The following DNAH5 variants were observed in gnomAD, a reference collection of about 807,000 sequenced individuals.
The protein encoded by DNAH5 is dynein axonemal heavy chain 5.
Under a neutral mutation model 518.2 loss-of-function variants are expected in DNAH5, and 372 were observed. The ratio of observed to expected loss-of-function variants is 0.72; its 90% CI spans 0.66 to 0.78. The LOEUF is 0.78. Ranked by LOEUF, DNAH5 falls within the 30% of genes least tolerant of loss-of-function variation. The pLI, the probability that DNAH5 is intolerant of heterozygous loss-of-function variation, is 0.00. For missense variants in DNAH5, 5,523 were observed against 5,687.0 expected, an observed-to-expected ratio of 0.97 and a Z score of 0.93; for synonymous variants, 2,039 against 2,025.9, an observed-to-expected ratio of 1.01 and a Z score of -0.17.
intron 1 of DNAH5, among the ~76,000 whole-genome samples, chr5:13,984,330 G>C (rs749679288): frequency 5.4e-4 from 83 of 152,306 alleles, no homozygotes; most frequent in East Asian, 7.7e-4. Context: ...CTCTCTGTCT[G>C]TCTGTTATTG....
intron 78 of DNAH5, among the ~76,000 whole-genome samples, chr5:13,692,356 GC>G (rs933500796): frequency 6.6e-6 from 1 of 152,112 alleles, no homozygotes; most frequent in African/African-American, 2.4e-5. Context: ...GCCTCTGGTG[GC>G]CTCTGCTGGC....
chr5:13,781,652 T>C (rs1319400343), intron 52 of DNAH5, among the ~76,000 whole-genome samples: 2 of 152,100 alleles, frequency 1.3e-5, no homozygotes, highest in East Asian at 3.9e-4. Flanking sequence ...TTTTTTGTCT[T>C]GCCGCCGCCA....
intron 68 of DNAH5, among the ~76,000 whole-genome samples, chr5:13,730,297 T>C (rs1369015397): frequency 6.6e-6 from 1 of 152,208 alleles, no homozygotes; most frequent in East Asian, 1.9e-4. Flanking sequence ...TCAGAACAAC[T>C]GAATGTGTGA....
intron 35 of DNAH5, 53 bp downstream of exon 35, chr5:13,839,303 G>T: frequency 6.4e-7 from 1 of 1,565,380 alleles, no homozygotes; most frequent in Non-Finnish European, 8.8e-7. Flanking sequence ...AAAATCCCCT[G>T]AGCAACTCGA....
At chr5:13,777,477 G>A (rs772711359) in intron 53 of DNAH5, 122 bp from the exon 54 acceptor site, 36 of 746,722 alleles carry the variant, frequency 4.8e-5, no homozygotes, top group East Asian at 2.2e-4. Context: ...TATCGTATAC[G>A]TATGTATTCT....
chr5:13,882,798 T>C lies in DNAH5; in HGVS notation c.3192A>G (p.Arg1064=), dbSNP rs761251811. The part of the protein sequence containing the change: ...ELLSKKKIQE[R]KMAALQSNED... ...CATTACTCTGCAAAGCAGCCATTTTTCTTTCTTGTATCTTTTTCTACAATG... is the reference window on the plus strand; with the variant it reads ...CATTACTCTGCAAAGCAGCCATTTTCCTTTCTTGTATCTTTTTCTACAATG... The change falls in exon 21 of 79, where the codon AGA becomes AGG. Residue 1064 remains arginine, a synonymous_variant. Transcript: ENST00000265104. 2 of 1,614,166 alleles carry C rather than the reference T, an allele frequency of 1.2e-6. No individual in the cohort carries two copies. Among genetic ancestry groups the C allele is most frequent in the Admixed American group, 3.3e-5 (2 of 60,030 alleles).
At chr5:13,922,943 A>G (rs1032076894) in intron 4 of DNAH5, among the ~76,000 whole-genome samples, 8 of 152,088 alleles carry the variant, frequency 5.3e-5, no homozygotes, top group Admixed American at 3.9e-4. Context: ...AAAGTTATAT[A>G]TCCACTTTCA....
chr5:13,839,748 CT>C (rs373803978), intron 34 of DNAH5, among the ~76,000 whole-genome samples: 315 of 152,266 alleles, frequency 2.1e-3, no homozygotes, highest in African/African-American at 7.4e-3. Context: ...AGTGAAACCC[CT>C]AATTATGCCT....
intron 5 of DNAH5, 134 bp downstream of exon 5, chr5:13,921,973 A>C: frequency 1.1e-6 from 1 of 887,094 alleles, no homozygotes; most frequent in Admixed American, 2.0e-5. Flanking sequence ...AGGAGCAATA[A>C]AATTGCCTAC....
Position 13,770,792 on chromosome 5 carries a change from T to G in DNAH5, c.9562A>C (p.Ile3188Leu). Residue 3188 changes from isoleucine (I) to leucine (L), a missense_variant, in exon 56 of 79, where the codon ATA (isoleucine) becomes CTA (leucine). Ile to Leu is a conservative substitution (Grantham distance 5, BLOSUM62 2). Coordinates refer to ENST00000265104, the MANE Select transcript of DNAH5 (RefSeq NM_001369.3). Reference sequence around the variant, plus strand: ...ACCTCCACATGCTTTTCTCCATATATGAACTTATAGCCCTGAATAAAGGAG... The same window carrying G: ...ACCTCCACATGCTTTTCTCCATATAGGAACTTATAGCCCTGAATAAAGGAG... ...YLSFIQGYKFIYGEKHVEVRT... is the reference protein window; with the variant it reads ...YLSFIQGYKFLYGEKHVEVRT... 1 of 1,614,052 alleles carries G rather than the reference T, an allele frequency of 6.2e-7. No homozygotes were observed. The highest frequency in any genetic ancestry group is 2.2e-5 in the East Asian group (1 of 44,866).
Position 13,864,628 on chromosome 5 carries a change from C to A in DNAH5, c.4365G>T (p.Lys1455Asn), listed in dbSNP as rs2151908906. 6.2e-7 allele frequency: 1 copy of A among 1,614,130 alleles called. No individual in the cohort carries two copies. ...ELLEFQNRCRKLPRALKDWQA... is the reference protein window; with the variant it reads ...ELLEFQNRCRNLPRALKDWQA... ...GCCAGTCCTTCAAGGCCCGGGGAAGCTTTCGACATCTGTGAAGGGACACCA... is the reference window on the plus strand; with the variant it reads ...GCCAGTCCTTCAAGGCCCGGGGAAGATTTCGACATCTGTGAAGGGACACCA... Residue 1455 changes from lysine to asparagine, a missense_variant, in exon 28 of 79, where the codon AAG becomes AAT. This residue lies in a region of DNAH5 where 5,121 missense variants were observed against 5,223.3 expected (regional missense o/e 0.98). Coordinates refer to ENST00000265104, the MANE Select transcript of DNAH5 (RefSeq NM_001369.3).
At chr5:13,800,531 G>A (rs1244817372) in intron 47 of DNAH5, among the ~76,000 whole-genome samples, 1 of 152,072 alleles carries the variant, frequency 6.6e-6, no homozygotes, top group Non-Finnish European at 1.5e-5. Context: ...CCTTTCTAAA[G>A]TATCTCTTCC....
At chr5:13,799,917 A>T (rs1377557252) in intron 47 of DNAH5, among the ~76,000 whole-genome samples, 1 of 152,142 alleles carries the variant, frequency 6.6e-6, no homozygotes, top group Middle Eastern at 3.2e-3. Flanking sequence ...TTATATGTTT[A>T]CTTACATTTT....
At chr5:13,774,213 T>C (rs907838927) in intron 55 of DNAH5, among the ~76,000 whole-genome samples, 1 of 152,070 alleles carries the variant, frequency 6.6e-6, no homozygotes, top group African/African-American at 2.4e-5. Context: ...TGAGCAGCAA[T>C]GATAGCTTGG....
chr5:13,755,985 C>T (rs1191193089), intron 61 of DNAH5, among the ~76,000 whole-genome samples: 1 of 152,136 alleles, frequency 6.6e-6, no homozygotes, highest in Non-Finnish European at 1.5e-5. Flanking sequence ...CCGTAAGTTC[C>T]GTGAGTTCCC....
intron 1 of DNAH5, among the ~76,000 whole-genome samples, chr5:13,964,947 C>T (rs1456682694): frequency 6.6e-6 from 1 of 152,196 alleles, no homozygotes; most frequent in African/African-American, 2.4e-5. Context: ...ATGTCCAAAA[C>T]ATACCATGTG....
chr5:13,741,730 G>T (rs1748573601), intron 65 of DNAH5, among the ~76,000 whole-genome samples: 1 of 152,132 alleles, frequency 6.6e-6, no homozygotes, highest in Non-Finnish European at 1.5e-5. Context: ...GCATTTAAAG[G>T]TCTTCACCTG....
At chr5:13,979,966 A>G (rs1430389058) in intron 1 of DNAH5, among the ~76,000 whole-genome samples, 1 of 150,784 alleles carries the variant, frequency 6.6e-6, no homozygotes, top group East Asian at 2.0e-4. Flanking sequence ...CAGCCTCCCG[A>G]GCAGCTGGGA....
At chr5:13,936,896 T>C (rs1220966568) in intron 1 of DNAH5, among the ~76,000 whole-genome samples, 1 of 152,172 alleles carries the variant, frequency 6.6e-6, no homozygotes, top group East Asian at 1.9e-4. Context: ...GAGAGTTCTT[T>C]TGTGCCTAAG....
Sources: allele counts gnomAD v4.1 joint callset (sites outside exome capture counted in the v4.1 genomes callset), GRCh38; gene constraint gnomAD v4.1.1; regional missense constraint gnomAD v4.1.1; transcripts MANE v1.5; gene names NCBI Gene and HGNC (gene_info 2026-07-23, HGNC 2026-07-21).